The following CCDC60 variants were observed in gnomAD, a reference collection of about 807,000 sequenced individuals.
The protein encoded by CCDC60 is coiled-coil domain-containing protein 60.
A neutral mutation model predicts 63.5 loss-of-function variants in CCDC60; 54 were observed. The observed-to-expected ratio is 0.85, with a 90% CI of 0.68 to 1.07. The LOEUF (loss-of-function observed/expected upper bound fraction) is 1.07. CCDC60 is among the 50% of genes least tolerant of loss of function. The probability of loss-of-function intolerance (pLI) is 0.00; values close to 1 mark genes in which losing one functional copy is unlikely to be tolerated. For missense variants in CCDC60, 651 were observed against 684.3 expected (o/e 0.95, Z 0.54); for synonymous variants, 206 against 238.8 (o/e 0.86, Z 1.27).
At chr12:119,389,734 G>GC (rs1038089021) in intron 1 of CCDC60, among the ~76,000 whole-genome samples, 9 of 152,008 alleles carry the variant, frequency 5.9e-5, no homozygotes, top group African/African-American at 2.2e-4. Flanking sequence ...TTTAGGGTTA[G>GC]CCCCCCTACC....
At chr12:119,462,307 A>AG (rs1367976669) in intron 2 of CCDC60, among the ~76,000 whole-genome samples, 1 of 152,220 alleles carries the variant, frequency 6.6e-6, no homozygotes, top group African/African-American at 2.4e-5. Context: ...CACCAGGAAC[A>AG]GCCCAGCATC....
intron 1 of CCDC60, among the ~76,000 whole-genome samples, chr12:119,404,419 A>G (rs1217682979): frequency 6.6e-6 from 1 of 152,084 alleles, no homozygotes; most frequent in Non-Finnish European, 1.5e-5. Flanking sequence ...ATAACTGCTT[A>G]ATTATCTGCC....
In CCDC60 at chr12:119,523,782, G is replaced by A. The variant is rs78218795; in HGVS notation, c.1193G>A (p.Gly398Asp). 32,701 of 1,614,130 alleles carry A rather than the reference G, an allele frequency of 0.02. 471 individuals are homozygous for A. The highest frequency in any genetic ancestry group is 0.08 in the African/African-American group (6,027 of 75,044). The change falls in exon 11 of 14, where the codon GGC becomes GAC. Residue 398 changes from glycine to aspartate, a missense_variant. Gly to Asp is a moderately conservative substitution (Grantham distance 94, BLOSUM62 -1). Coordinates refer to ENST00000327554, the MANE Select transcript of CCDC60 (RefSeq NM_178499.5). ...TTTTACAGCGTAGCCCAGGAGGCTG[G>A]CTTCTGCCTGCAGGACAAGATGGAA... Reference protein sequence around the residue: ...AKFYSVAQEAGFCLQDKMEIL... With the variant: ...AKFYSVAQEADFCLQDKMEIL...
At chr12:119,414,064 G>A (rs11064786) in intron 1 of CCDC60, among the ~76,000 whole-genome samples, 7,048 of 152,032 alleles carry the variant, frequency 0.046, 228 homozygotes, top group South Asian at 0.075. Context: ...TGTCACCCAG[G>A]CTGGAGTGCA....
chr12:119,536,554 G>A (rs935669043), intron 13 of CCDC60, among the ~76,000 whole-genome samples: 1 of 152,152 alleles, frequency 6.6e-6, no homozygotes, highest in Non-Finnish European at 1.5e-5. Flanking sequence ...GGCTGGTACC[G>A]GTTGTTCCTT....
intron 1 of CCDC60, among the ~76,000 whole-genome samples, 177 bp downstream of exon 1, chr12:119,335,443 C>T (rs865865182): frequency 4.0e-5 from 6 of 151,490 alleles, no homozygotes; most frequent in Non-Finnish European, 8.8e-5. Context: ...TATTTCTCCA[C>T]ATCCTCTCCA....
intron 1 of CCDC60, among the ~76,000 whole-genome samples, chr12:119,340,645 T>C (rs903253553): frequency 6.6e-6 from 1 of 151,778 alleles, no homozygotes; most frequent in African/African-American, 2.4e-5. Context: ...AACCAACATA[T>C]TTGAGAAACA....
chr12:119,479,067 T>C lies in CCDC60; in HGVS notation c.342-27T>C, dbSNP rs749938122. 7.9e-6 allele frequency: 12 copies of C among 1,518,368 alleles called. No homozygotes were observed. The South Asian group carries it at 1.3e-4, about 17-fold the overall frequency. 94.1% of individuals were successfully genotyped at this position (1,518,368 alleles called of 1,614,324 possible). A position where few individuals can be genotyped will look rare whatever the true frequency, so the allele number is the denominator to read the frequency against. On this transcript the variant is annotated intron_variant, in intron 3 of 13. Transcript: ENST00000327554. ...TCAAAGCTACTGCTCATTGTTCACA[T>C]TGTTTCTCTGTCTGCTTGTCCTTCA...
At chr12:119,491,534 T>G (rs1452284097) in intron 5 of CCDC60, among the ~76,000 whole-genome samples, 1 of 152,052 alleles carries the variant, frequency 6.6e-6, no homozygotes, top group Non-Finnish European at 1.5e-5. Context: ...TTCACCATGT[T>G]AGCCAGGATG....
At chr12:119,428,480 T>C (rs1956938888) in intron 1 of CCDC60, among the ~76,000 whole-genome samples, 1 of 152,110 alleles carries the variant, frequency 6.6e-6, no homozygotes, top group South Asian at 2.1e-4. Flanking sequence ...AGGGCTCAGG[T>C]CCATCTGTCT....
intron 3 of CCDC60, among the ~76,000 whole-genome samples, chr12:119,476,320 G>C (rs1467157395): frequency 6.6e-6 from 1 of 152,138 alleles, no homozygotes; most frequent in African/African-American, 2.4e-5. Context: ...CCAGAGATTA[G>C]GGATGTAAAA....
chr12:119,534,031 T>C (rs887492734), intron 13 of CCDC60, among the ~76,000 whole-genome samples: 6 of 152,242 alleles, frequency 3.9e-5, no homozygotes, highest in African/African-American at 4.8e-5. Flanking sequence ...TTTCACAATA[T>C]TGATTCTTCC....
chr12:119,414,725 G>GT (rs1200170607), intron 1 of CCDC60, among the ~76,000 whole-genome samples: 1 of 151,876 alleles, frequency 6.6e-6, no homozygotes, highest in African/African-American at 2.4e-5. Flanking sequence ...TAATTGTTTT[G>GT]TTTTTTGTAG....
At chr12:119,413,031 G>A (rs948666789) in intron 1 of CCDC60, among the ~76,000 whole-genome samples, 1 of 152,036 alleles carries the variant, frequency 6.6e-6, no homozygotes, top group Admixed American at 6.5e-5. Flanking sequence ...GTCACATCCC[G>A]GGGCTCCTGT....
At chr12:119,457,342 C>T (rs925022499) in intron 2 of CCDC60, among the ~76,000 whole-genome samples, 1 of 152,170 alleles carries the variant, frequency 6.6e-6, no homozygotes, top group Non-Finnish European at 1.5e-5. Flanking sequence ...AACCCATTAA[C>T]GGGTCTTTCT....
chr12:119,470,910 C>A (rs923005917), intron 2 of CCDC60, among the ~76,000 whole-genome samples: 3 of 152,176 alleles, frequency 2.0e-5, no homozygotes, highest in Non-Finnish European at 4.4e-5. Flanking sequence ...CCCCAACAGT[C>A]AGTACAATAC....
At chr12:119,375,760 C>G (rs1478348002) in intron 1 of CCDC60, among the ~76,000 whole-genome samples, 1 of 152,094 alleles carries the variant, frequency 6.6e-6, no homozygotes, top group Non-Finnish European at 1.5e-5. Flanking sequence ...GCTTGGATGT[C>G]ATGAAAATTT....
chr12:119,443,473 G>T (rs1320044810), intron 2 of CCDC60, among the ~76,000 whole-genome samples: 1 of 152,156 alleles, frequency 6.6e-6, no homozygotes, highest in African/African-American at 2.4e-5. Flanking sequence ...AGTAACAACT[G>T]GGATGCTAGA....
At chr12:119,429,692 G>A (rs1211204405) in intron 2 of CCDC60, 3 of 152,200 alleles carry the variant, frequency 2.0e-5, no homozygotes, top group Admixed American at 6.5e-5. Flanking sequence ...CAACTTCATG[G>A]AACTGATGAC....
Sources: gnomAD v4.1 joint callset for allele counts (sites outside exome capture counted in the v4.1 genomes callset) on GRCh38, gnomAD v4.1.1 for gene constraint, MANE v1.5 for transcripts, NCBI Gene and HGNC (gene_info 2026-07-23, HGNC 2026-07-21) for gene names.